The following ZNF697 variants were observed in gnomAD, a reference collection of about 807,000 sequenced individuals.
ZNF697 encodes zinc finger protein 697.
ZNF697 carries 23 observed loss-of-function variants against 32.4 expected under a neutral mutation model. The observed-to-expected ratio is 0.71, with a 90% CI of 0.51 to 1.01. The LOEUF is 1.01. Ranked by LOEUF, ZNF697 falls within the 50% of genes least tolerant of loss-of-function variation. The probability of loss-of-function intolerance (pLI) is 0.00; values close to 1 mark genes in which losing one functional copy is unlikely to be tolerated. For missense variants in ZNF697, 930 were observed against 794.0 expected (o/e 1.17, Z -2.06); for synonymous variants, 418 against 337.2 (o/e 1.24, Z -2.62).
Position 119,622,930 on chromosome 1 carries a change from C to G in ZNF697, c.1413G>C (p.Glu471Asp). ...GEKPFRCGQC[E>D]KRFSDFSTLT... Reference sequence around the variant, plus strand: ...GCGTGGAGAAGTCGCTGAAGCGCTTCTCGCACTGGCCACAGCGGAAGGGCT... The same window carrying G: ...GCGTGGAGAAGTCGCTGAAGCGCTTGTCGCACTGGCCACAGCGGAAGGGCT... Residue 471 changes from glutamate (E) to aspartate (D), a missense_variant, in exon 3 of 3, where the codon GAG becomes GAC. By Grantham distance (45) the Glu-to-Asp change is conservative. Coordinates refer to ENST00000421812, the MANE Select transcript of ZNF697 (RefSeq NM_001080470.2). 6.2e-7 allele frequency: 1 copy of G among 1,601,428 alleles called. No individual in the cohort carries two copies. The highest frequency in any genetic ancestry group is 8.5e-7 in the Non-Finnish European group (1 of 1,175,054).
chr1:119,637,923 G>T (rs587649847), intron 1 of ZNF697, among the ~76,000 whole-genome samples: 1 of 151,730 alleles, frequency 6.6e-6, no homozygotes, highest in Non-Finnish European at 1.5e-5. Flanking sequence ...AAAAGTCATC[G>T]TCTGTGTGTG....
chr1:119,622,559 C>T lies in ZNF697; in HGVS notation c.*146G>A. On this transcript the variant is annotated 3_prime_UTR_variant, in exon 3 of 3. Transcript: ENST00000421812. ...ACCAACTTACTCAACACTCCTCCCA[C>T]TTCAGGAAACCCCAAACACCAAAGG... 7.2e-7 allele frequency: 1 copy of T among 1,396,652 alleles called. No homozygotes were observed. Among genetic ancestry groups the T allele is most frequent in the South Asian group, 1.6e-5 (1 of 64,476 alleles). The allele number at this position is 1,396,652 out of a possible 1,614,324, so 86.5% of individuals were successfully genotyped here.
chr1:119,619,534 A>C lies in ZNF697; in HGVS notation c.*3171T>G, dbSNP rs185573400. On this transcript the variant is annotated 3_prime_UTR_variant, in exon 3 of 3. Coordinates refer to ENST00000421812, the MANE Select transcript of ZNF697 (RefSeq NM_001080470.2). ...ACAACCTGAAAATAAGGCAAATCTCACGTATACAAGCACACTCACACGAAA... is the reference window on the plus strand; with the variant it reads ...ACAACCTGAAAATAAGGCAAATCTCCCGTATACAAGCACACTCACACGAAA... 6.5e-6 allele frequency: 1 copy of C among 152,722 alleles called. No individual in the cohort carries two copies. Among genetic ancestry groups the C allele is most frequent in the East Asian group, 1.9e-4 (1 of 5,190 alleles). The allele number at this position is 152,722 out of a possible 1,614,324, so 9.5% of individuals were successfully genotyped here. A position where few individuals can be genotyped will look rare whatever the true frequency, so the allele number is the denominator to read the frequency against.
intron 1 of ZNF697, among the ~76,000 whole-genome samples, chr1:119,626,392 G>C (rs1648592251): frequency 6.6e-6 from 1 of 152,206 alleles, no homozygotes; most frequent in African/African-American, 2.4e-5. Context: ...TTCTGGCTAT[G>C]ATATGGATGT....
intron 1 of ZNF697, among the ~76,000 whole-genome samples, chr1:119,631,601 T>C (rs444976): frequency 5.2e-4 from 31 of 59,470 alleles, no homozygotes; most frequent in East Asian, 2.9e-3. Flanking sequence ...TGGGCCCCGC[T>C]TGGGCCCCGC....
chr1:119,632,880 G>A (rs1013602392), intron 1 of ZNF697, among the ~76,000 whole-genome samples: 5 of 152,140 alleles, frequency 3.3e-5, no homozygotes, highest in African/African-American at 1.2e-4. Context: ...ACATAAATCA[G>A]GGTGATCCAT....
intron 1 of ZNF697, among the ~76,000 whole-genome samples, chr1:119,634,838 C>T (rs1648877545): frequency 6.6e-6 from 1 of 152,208 alleles, no homozygotes; most frequent in African/African-American, 2.4e-5. Context: ...AACGGAGGAA[C>T]TGTGAATACT....
rs587607753 is a variant in ZNF697 at position 119,646,481 on chromosome 1, T to C, written c.-38+1210A>G. ...TTTTTTTTCTCGATTCCATTCTTTATCTCAGTTCAAATGCCTCATCTCTCC... is the reference window on the plus strand; with the variant it reads ...TTTTTTTTCTCGATTCCATTCTTTACCTCAGTTCAAATGCCTCATCTCTCC... On this transcript the variant is annotated intron_variant, in intron 1 of 2. Transcript: ENST00000421812. Among the ~76,000 whole-genome samples the C allele has an allele frequency of 3.9e-5, 6 of 152,254 alleles. No individual in the cohort carries two copies. In the South Asian group the frequency reaches 1.0e-3, roughly 26 times the overall value.
Position 119,626,347 on chromosome 1 carries a change from T to C in ZNF697, c.-37-210A>G, listed in dbSNP as rs148913612. On this transcript the variant is annotated intron_variant, in intron 1 of 2. Coordinates refer to ENST00000421812, the MANE Select transcript of ZNF697 (RefSeq NM_001080470.2). Reference sequence around the variant, plus strand: ...GAACAGTGACAACCTCACTATGAGGTTGGATGCCAACTCTCACTGGACCAA... The same window carrying C: ...GAACAGTGACAACCTCACTATGAGGCTGGATGCCAACTCTCACTGGACCAA... Among the ~76,000 whole-genome samples the C allele has an allele frequency of 2.7e-4, 41 of 152,178 alleles. No homozygotes were observed. The South Asian group carries it at 3.3e-3, about 12-fold the overall frequency.
At chr1:119,641,259 A>T (rs1303024621) in intron 1 of ZNF697, among the ~76,000 whole-genome samples, 1 of 152,202 alleles carries the variant, frequency 6.6e-6, no homozygotes, top group Non-Finnish European at 1.5e-5. Flanking sequence ...GGGTGGTAAA[A>T]GGGGAGTGTG....
At chr1:119,629,180 C>T (rs1648692877) in intron 1 of ZNF697, among the ~76,000 whole-genome samples, 1 of 152,154 alleles carries the variant, frequency 6.6e-6, no homozygotes, top group Admixed American at 6.6e-5. Context: ...GTATTTTCTA[C>T]ATAAACAGGT....
intron 1 of ZNF697, among the ~76,000 whole-genome samples, chr1:119,635,372 T>C (rs1648892919): frequency 6.6e-6 from 1 of 152,220 alleles, no homozygotes; most frequent in South Asian, 2.1e-4. Context: ...TTGATGCTTT[T>C]TGCTCTTTTT....
chr1:119,638,044 T>TA (rs1648974087), intron 1 of ZNF697, among the ~76,000 whole-genome samples: 1 of 152,186 alleles, frequency 6.6e-6, no homozygotes, highest in Admixed American at 6.5e-5. Context: ...TTATACCATT[T>TA]AAAAAAATCT....
At position 119,622,563 on chromosome 1, in the gene ZNF697, A is replaced by G; in HGVS notation, c.*142T>C. 1 of 1,401,446 alleles carries G rather than the reference A, an allele frequency of 7.1e-7. No individual in the cohort carries two copies. The highest frequency in any genetic ancestry group is 1.5e-5 in the South Asian group (1 of 64,566). 86.8% of individuals were successfully genotyped at this position (1,401,446 alleles called of 1,614,324 possible). A position where few individuals can be genotyped will look rare whatever the true frequency, so the allele number is the denominator to read the frequency against. On this transcript the variant is annotated 3_prime_UTR_variant, in exon 3 of 3. Coordinates refer to ENST00000421812, the MANE Select transcript of ZNF697 (RefSeq NM_001080470.2). ...ACTTACTCAACACTCCTCCCACTTC[A>G]GGAAACCCCAAACACCAAAGGCTCC... is the stretch of plus-strand genomic sequence containing the variant.
At chr1:119,632,299 A>G (rs947965359) in intron 1 of ZNF697, among the ~76,000 whole-genome samples, 3 of 152,212 alleles carry the variant, frequency 2.0e-5, no homozygotes, top group Admixed American at 6.5e-5. Flanking sequence ...ACAAACCCAG[A>G]CTGCCCAACC....
Position 119,623,966 on chromosome 1 carries a change from T to G in ZNF697, c.377A>C (p.Glu126Ala). Reference protein sequence around the residue: ...LREDDDESAGENRLEEEEEQP... With the variant: ...LREDDDESAGANRLEEEEEQP... ...CTCCTCTTCCTCCTCCAGCCGGTTC[T>G]CCCCAGCACTCTCGTCGTCGTCCTC... The change falls in exon 3 of 3, where the codon GAG becomes GCG. Residue 126 changes from glutamate (E) to alanine (A), a missense_variant. Coordinates refer to ENST00000421812, the MANE Select transcript of ZNF697 (RefSeq NM_001080470.2). 6.2e-7 allele frequency: 1 copy of G among 1,607,642 alleles called. No homozygotes were observed. The highest frequency in any genetic ancestry group is 8.5e-7 in the Non-Finnish European group (1 of 1,177,178).
At chr1:119,646,922 TGAGG>T in intron 1 of ZNF697, among the ~76,000 whole-genome samples, 1 of 152,214 alleles carries the variant, frequency 6.6e-6, no homozygotes, top group East Asian at 1.9e-4. Flanking sequence ...CGCTCAGTCT[TGAGG>T]GAGGAGGGTA....
chr1:119,642,779 C>A (rs189748029), intron 1 of ZNF697, among the ~76,000 whole-genome samples: 15 of 152,308 alleles, frequency 9.8e-5, no homozygotes, highest in Admixed American at 2.0e-4. Flanking sequence ...AATGAAATTT[C>A]TATTCTACCT....
chr1:119,646,599 C>G (rs1480124944), intron 1 of ZNF697, among the ~76,000 whole-genome samples: 1 of 152,182 alleles, frequency 6.6e-6, no homozygotes, highest in Non-Finnish European at 1.5e-5. Flanking sequence ...ATCATTCTTT[C>G]GACCATGAGC....
Sources: gnomAD v4.1 joint callset for allele counts (sites outside exome capture counted in the v4.1 genomes callset) on GRCh38, gnomAD v4.1.1 for gene constraint, MANE v1.5 for transcripts, NCBI Gene and HGNC (gene_info 2026-07-23, HGNC 2026-07-21) for gene names.